The following AGMO variants were observed in gnomAD, a reference collection of about 807,000 sequenced individuals.
AGMO encodes the protein glyceryl-ether monooxygenase.
Under a neutral mutation model 60.2 loss-of-function variants are expected in AGMO, and 75 were observed. That is an observed-to-expected ratio of 1.25 (90% confidence interval 1.03 to 1.51). The LOEUF is 1.51. Among genes scored for constraint, AGMO ranks in the 40% most tolerant of loss-of-function variants. AGMO has a pLI of 0.00. For missense variants in AGMO, 763 were observed against 525.5 expected (o/e 1.45, Z -4.42); for synonymous variants, 261 against 177.1 (o/e 1.47, Z -3.76).
At position 15,529,608 on chromosome 7, in the gene AGMO, GTATATATATAGAA is replaced by G. The variant is rs1392777130; in HGVS notation, c.409+15151_409+15163del. 1.4e-3 allele frequency among the ~76,000 whole-genome samples: 15 copies of G among 10,368 alleles called. 4 individuals are homozygous for G. In the Admixed American group the frequency reaches 0.015, roughly 10 times the overall value. 6.8% of individuals were successfully genotyped at this position (10,368 alleles called of 152,430 possible). ...ATAGTATATAAACTCTATATATAGA[GTATATATATAGAA>G]TATATATATAGAATATATATATATA... On this transcript the variant is annotated intron_variant, in intron 3 of 12. Coordinates refer to ENST00000342526, the MANE Select transcript of AGMO (RefSeq NM_001004320.2).
intron 3 of AGMO, among the ~76,000 whole-genome samples, chr7:15,487,097 C>G (rs1390923819): frequency 6.6e-6 from 1 of 152,144 alleles, no homozygotes; most frequent in African/African-American, 2.4e-5. Context: ...AAAATTTGCT[C>G]TAATCTATTA....
chr7:15,186,359 T>C, the AGMO span, among the ~76,000 whole-genome samples: 166 of 152,332 alleles, frequency 1.1e-3, no homozygotes, highest in African/African-American at 3.8e-3. Context: ...TTTCTAATGA[T>C]AATCATTTGC....
chr7:15,281,939 A>C (rs1324668114), intron 12 of AGMO, among the ~76,000 whole-genome samples: 1 of 152,174 alleles, frequency 6.6e-6, no homozygotes, highest in Non-Finnish European at 1.5e-5. Flanking sequence ...AAGCTACTAC[A>C]AAAAGGCCCT....
intron 3 of AGMO, among the ~76,000 whole-genome samples, chr7:15,463,986 A>G (rs1156715238): frequency 6.6e-6 from 1 of 152,212 alleles, no homozygotes; most frequent in Non-Finnish European, 1.5e-5. Flanking sequence ...AATTTTGAGC[A>G]TAATTTGGCA....
chr7:15,152,220 T>G, the AGMO span, among the ~76,000 whole-genome samples: 2 of 152,182 alleles, frequency 1.3e-5, no homozygotes, highest in Admixed American at 6.5e-5. Context: ...ACTCTTTTTT[T>G]GTTTTGTTTT....
chr7:15,411,900 A>G (rs28626386), intron 5 of AGMO, among the ~76,000 whole-genome samples: 1 of 152,028 alleles, frequency 6.6e-6, no homozygotes, highest in Admixed American at 6.6e-5. Context: ...GAGTAAATTT[A>G]ATATAATTTT....
the AGMO span, among the ~76,000 whole-genome samples, chr7:15,136,334 C>T: frequency 6.6e-6 from 1 of 152,048 alleles, no homozygotes; most frequent in Non-Finnish European, 1.5e-5. Flanking sequence ...AAAAGGGCTA[C>T]AAGCTCCCTT....
Position 15,555,009 on chromosome 7 carries a change from A to G in AGMO, c.257+5132T>C, listed in dbSNP as rs11972881. On this transcript the variant is annotated intron_variant, in intron 2 of 12. Coordinates refer to ENST00000342526, the MANE Select transcript of AGMO (RefSeq NM_001004320.2). Reference sequence around the variant, plus strand: ...ACATTTGGTGTAATACTGTCGTTGAAAACTCCTAAGAGAGCAAGTTTCAGA... The same window carrying G: ...ACATTTGGTGTAATACTGTCGTTGAGAACTCCTAAGAGAGCAAGTTTCAGA... 5.5e-3 allele frequency among the ~76,000 whole-genome samples: 840 copies of G among 151,978 alleles called. 10 individuals are homozygous for G. Among genetic ancestry groups the G allele is most frequent in the African/African-American group, 0.019 (792 of 41,466 alleles).
chr7:15,167,142 T>C, the AGMO span, among the ~76,000 whole-genome samples: 1 of 152,220 alleles, frequency 6.6e-6, no homozygotes, highest in Non-Finnish European at 1.5e-5. Context: ...ATCAGTGTTT[T>C]ATAGAAATTA....
At chr7:15,199,017 G>T (rs1781205083), downstream of AGMO, among the ~76,000 whole-genome samples, 1 of 152,148 alleles carries the variant, frequency 6.6e-6, no homozygotes, top group East Asian at 1.9e-4. Flanking sequence ...TTAAGAAAGT[G>T]CCGTTATCAT....
At chr7:15,507,362 C>T (rs1232560868) in intron 3 of AGMO, among the ~76,000 whole-genome samples, 1 of 151,996 alleles carries the variant, frequency 6.6e-6, no homozygotes, top group Admixed American at 6.6e-5. Context: ...AACAACACTA[C>T]GGCTCAATTT....
intron 12 of AGMO, among the ~76,000 whole-genome samples, chr7:15,271,465 G>A (rs1583348746): frequency 6.6e-6 from 1 of 152,006 alleles, no homozygotes. Context: ...TGGTTCTCAG[G>A]TTGATCATTA....
chr7:15,406,931 GCACA>G (rs375471235), intron 5 of AGMO, among the ~76,000 whole-genome samples: 2,175 of 94,442 alleles, frequency 0.023, 80 homozygotes, highest in South Asian at 0.04. Flanking sequence ...ATACACACGC[GCACA>G]CACACACACA....
chr7:15,543,125 T>C (rs1033232208), intron 3 of AGMO, among the ~76,000 whole-genome samples: 1 of 152,118 alleles, frequency 6.6e-6, no homozygotes. Flanking sequence ...TTATTAGTAT[T>C]ATTCCAGGTT....
intron 12 of AGMO, among the ~76,000 whole-genome samples, chr7:15,236,905 T>C (rs1456355481): frequency 2.0e-5 from 3 of 151,766 alleles, no homozygotes; most frequent in African/African-American, 4.8e-5. Flanking sequence ...GAAACGGCCA[T>C]CTAAGAAACT....
At chr7:15,368,427 TTG>T (rs1783071038) in intron 10 of AGMO, among the ~76,000 whole-genome samples, 1 of 152,102 alleles carries the variant, frequency 6.6e-6, no homozygotes, top group African/African-American at 2.4e-5. Flanking sequence ...GAGAAATGAT[TTG>T]TGTCAAAATC....
intron 3 of AGMO, among the ~76,000 whole-genome samples, chr7:15,453,973 A>G (rs1781925053): frequency 6.7e-6 from 1 of 148,278 alleles, no homozygotes; most frequent in Non-Finnish European, 1.5e-5. Flanking sequence ...ATGTAATTAT[A>G]TATTATATAC....
At chr7:15,292,336 G>T (rs1360179368) in intron 12 of AGMO, among the ~76,000 whole-genome samples, 1 of 152,136 alleles carries the variant, frequency 6.6e-6, no homozygotes, top group African/African-American at 2.4e-5. Flanking sequence ...CTCCCTTGGT[G>T]ATTCTAATGT....
intron 3 of AGMO, among the ~76,000 whole-genome samples, chr7:15,511,284 G>A (rs10248892): frequency 0.55 from 84,023 of 151,900 alleles, 24,619 homozygotes; most frequent in Non-Finnish European, 0.68. Context: ...TCTTTTATAC[G>A]TAGTATGAAA....
Sources: allele counts gnomAD v4.1 joint callset (sites outside exome capture counted in the v4.1 genomes callset), GRCh38; gene constraint gnomAD v4.1.1; transcripts MANE v1.5; gene names NCBI Gene and HGNC (gene_info 2026-07-23, HGNC 2026-07-21).